Variants in PCSK2 observed in about 807,000 individuals in gnomAD.
PCSK2 encodes proprotein convertase subtilisin/kexin type 2, also known as neuroendocrine convertase 2.
In PCSK2, 14 loss-of-function variants were observed where a neutral mutation model predicts 69.7. That is an observed-to-expected ratio of 0.20 (90% CI 0.13 to 0.31). PCSK2 has a LOEUF of 0.31. Ranked by LOEUF, PCSK2 falls within the 10% of genes least tolerant of loss-of-function variation. The probability of loss-of-function intolerance (pLI) is 1.00; values close to 1 mark genes in which losing one functional copy is unlikely to be tolerated. For missense variants in PCSK2, 544 were observed against 842.5 expected, an observed-to-expected ratio of 0.65 and a Z score of 4.39; for synonymous variants, 307 against 320.7, an observed-to-expected ratio of 0.96 and a Z score of 0.46.
chr20:17,391,880 AAAAG>A (rs1223302572), intron 5 of PCSK2, among the ~76,000 whole-genome samples: 1 of 94,386 alleles, frequency 1.1e-5, no homozygotes, highest in Non-Finnish European at 2.1e-5. Context: ...AAGAAAGAAA[AAAAG>A]AAAGAGAGAG....
intron 2 of PCSK2, among the ~76,000 whole-genome samples, chr20:17,309,944 G>C (rs1378900510): frequency 6.6e-6 from 1 of 151,762 alleles, no homozygotes; most frequent in Non-Finnish European, 1.5e-5. Context: ...GAGGAGGAGA[G>C]AGGTTTAATA....
chr20:17,409,989 G>A (rs369335187), intron 6 of PCSK2, among the ~76,000 whole-genome samples: 12 of 152,176 alleles, frequency 7.9e-5, no homozygotes, highest in Middle Eastern at 6.8e-3. Context: ...AAAGATGTGC[G>A]GTTTGCTCAA....
chr20:17,429,639 C>A, intron 7 of PCSK2, 116 bp downstream of exon 7: 1 of 672,626 alleles, frequency 1.5e-6, no homozygotes, highest in Non-Finnish European at 2.5e-6. Flanking sequence ...ACAGATTTGG[C>A]ACAAGTGAAA....
At chr20:17,405,813 A>ACATGAGC (rs1487790789) in intron 5 of PCSK2, among the ~76,000 whole-genome samples, 1 of 152,192 alleles carries the variant, frequency 6.6e-6, no homozygotes, top group Non-Finnish European at 1.5e-5. Flanking sequence ...TTAGAAGAGA[A>ACATGAGC]CATGAGCCAT....
chr20:17,300,781 T>G (rs1343532620), intron 2 of PCSK2, among the ~76,000 whole-genome samples: 1 of 152,220 alleles, frequency 6.6e-6, no homozygotes. Flanking sequence ...TTTCCTAATG[T>G]GAGTTGAGAC....
chr20:17,261,568 A>C (rs1987386943), intron 2 of PCSK2, among the ~76,000 whole-genome samples: 1 of 152,232 alleles, frequency 6.6e-6, no homozygotes, highest in Non-Finnish European at 1.5e-5. Flanking sequence ...CTGTGCTGCC[A>C]GCCAAGGCCA....
At chr20:17,417,139 G>A (rs78456194) in intron 6 of PCSK2, among the ~76,000 whole-genome samples, 5 of 152,200 alleles carry the variant, frequency 3.3e-5, no homozygotes, top group Non-Finnish European at 7.4e-5. Flanking sequence ...AAACCTGCAC[G>A]TTGTGCACGT....
intron 6 of PCSK2, among the ~76,000 whole-genome samples, chr20:17,421,806 G>GAAAAAAAAAA (rs1568642567): frequency 4.2e-5 from 1 of 23,534 alleles, no homozygotes; most frequent in African/African-American, 1.8e-4. Context: ...AGGAAGAGAG[G>GAAAAAAAAAA]TAAAAAAAAA....
At chr20:17,273,748 C>A (rs1987954129) in intron 2 of PCSK2, among the ~76,000 whole-genome samples, 1 of 152,140 alleles carries the variant, frequency 6.6e-6, no homozygotes, top group Non-Finnish European at 1.5e-5. Flanking sequence ...ACTTTTAACT[C>A]CCAATGGTTT....
At chr20:17,229,748 C>G (rs1409353101) in intron 1 of PCSK2, among the ~76,000 whole-genome samples, 1 of 152,040 alleles carries the variant, frequency 6.6e-6, no homozygotes, top group Non-Finnish European at 1.5e-5. Flanking sequence ...GCAACATCTG[C>G]CTAGAATAAA....
rs2033457861 is a variant in PCSK2, at chr20:17,484,212, C to G, written c.*2142C>G. Reference sequence around the variant, plus strand: ...AATATAAAATAGTTGTCCATATTTTCACAGGTGTGGTGTAATTTATAAAAT... The same window carrying G: ...AATATAAAATAGTTGTCCATATTTTGACAGGTGTGGTGTAATTTATAAAAT... On this transcript the variant is annotated 3_prime_UTR_variant, in exon 12 of 12. Transcript: ENST00000262545. 6.6e-6 allele frequency: 1 copy of G among 152,230 alleles called. No individual in the cohort carries two copies. The highest frequency in any genetic ancestry group is 2.4e-5 in the African/African-American group (1 of 41,384). 9.4% of individuals were successfully genotyped at this position (152,230 alleles called of 1,614,324 possible). A position where few individuals can be genotyped will look rare whatever the true frequency, so the allele number is the denominator to read the frequency against.
Position 17,465,539 on chromosome 20 carries a change from C to T in PCSK2, c.1416C>T (p.Ser472=), listed in dbSNP as rs547514355. 1.5e-5 allele frequency: 24 copies of T among 1,588,772 alleles called. No individual in the cohort carries two copies. In the South Asian group the frequency reaches 2.0e-4, roughly 13 times the overall value. The stretch of plus-strand genomic sequence containing the variant: ...AGAGATTCCACTGTGTGGGAGGCTC[C>T]GTGCAGGACCCTGAGTAAGTGGGGG... The part of the protein sequence containing the change: ...VPERFHCVGG[S]VQDPEKIPST... Residue 472 remains serine, a synonymous_variant, in exon 11 of 12, where the codon TCC becomes TCT. Transcript: ENST00000262545.
At chr20:17,396,786 T>C (rs1008125213) in intron 5 of PCSK2, among the ~76,000 whole-genome samples, 8 of 152,104 alleles carry the variant, frequency 5.3e-5, no homozygotes, top group Non-Finnish European at 1.5e-5. Flanking sequence ...CTGGTTAATA[T>C]TTTTTATACT....
At chr20:17,479,385 T>C in intron 11 of PCSK2, 1 of 680,902 alleles carries the variant, frequency 1.5e-6, no homozygotes, top group Non-Finnish European at 2.7e-6. Context: ...GTGGGCTTCC[T>C]CAGCATTGAG....
intron 2 of PCSK2, among the ~76,000 whole-genome samples, chr20:17,356,889 C>G (rs2030217997): frequency 6.6e-6 from 1 of 152,086 alleles, no homozygotes; most frequent in African/African-American, 2.4e-5. Flanking sequence ...CAGAGGCACC[C>G]CTAAGGCAGA....
chr20:17,380,670 C>G (rs1056249719), intron 5 of PCSK2, among the ~76,000 whole-genome samples: 3 of 152,192 alleles, frequency 2.0e-5, no homozygotes, highest in African/African-American at 4.8e-5. Context: ...GTTGTTAAGT[C>G]CCCTGCCCAA....
intron 2 of PCSK2, among the ~76,000 whole-genome samples, chr20:17,282,156 C>T (rs1432691485): frequency 6.6e-6 from 1 of 151,552 alleles, no homozygotes; most frequent in African/African-American, 2.4e-5. Flanking sequence ...TATATATTTA[C>T]ATATATATAT....
At chr20:17,413,629 C>T (rs1387494456) in intron 6 of PCSK2, among the ~76,000 whole-genome samples, 1 of 152,142 alleles carries the variant, frequency 6.6e-6, no homozygotes, top group Non-Finnish European at 1.5e-5. Context: ...ATCAACGAGA[C>T]AGAAGGTTAA....
chr20:17,249,733 A>C (rs1371003875), intron 1 of PCSK2, among the ~76,000 whole-genome samples: 1 of 152,162 alleles, frequency 6.6e-6, no homozygotes, highest in Admixed American at 6.5e-5. Flanking sequence ...TAAGTAAAAT[A>C]AGGCAGGCAC....
Sources: allele counts gnomAD v4.1 joint callset (sites outside exome capture counted in the v4.1 genomes callset), GRCh38; gene constraint gnomAD v4.1.1; transcripts MANE v1.5; gene names NCBI Gene and HGNC (gene_info 2026-07-23, HGNC 2026-07-21).